Variants in SPECC1L observed in about 807,000 individuals in gnomAD.
SPECC1L encodes sperm antigen with calponin homology and coiled-coil domains 1 like, also known as cytospin-A.
A neutral mutation model predicts 116.8 loss-of-function variants in SPECC1L; 40 were observed. The ratio of observed to expected loss-of-function variants is 0.34; its 90% CI spans 0.27 to 0.45. The LOEUF (loss-of-function observed/expected upper bound fraction) is 0.45. SPECC1L is among the 20% of genes least tolerant of loss of function. SPECC1L has a pLI of 1.00. For synonymous variants in SPECC1L, 504 were observed against 500.6 expected, an observed-to-expected ratio of 1.01 and a Z score of -0.09; for missense variants, 1,110 against 1,373.6, an observed-to-expected ratio of 0.81 and a Z score of 3.03.
At chr22:24,372,268 C>T (rs1205262913) in intron 14 of SPECC1L, among the ~76,000 whole-genome samples, 2 of 152,112 alleles carry the variant, frequency 1.3e-5, no homozygotes, top group Non-Finnish European at 2.9e-5. Context: ...GGGAATACTC[C>T]CTAACTCGTT....
chr22:24,380,775 A>T (rs2042049929), intron 14 of SPECC1L, among the ~76,000 whole-genome samples: 1 of 152,262 alleles, frequency 6.6e-6, no homozygotes, highest in Admixed American at 6.5e-5. Flanking sequence ...CCCCACAAGG[A>T]TAAATGGCTG....
At chr22:24,376,264 G>A (rs1366453874) in intron 14 of SPECC1L, among the ~76,000 whole-genome samples, 1 of 152,162 alleles carries the variant, frequency 6.6e-6, no homozygotes, top group Non-Finnish European at 1.5e-5. Context: ...GGCTCAAGTG[G>A]TCCTCCCACT....
intron 3 of SPECC1L, among the ~76,000 whole-genome samples, chr22:24,310,273 G>A (rs1186762167): frequency 6.6e-6 from 1 of 152,122 alleles, no homozygotes; most frequent in African/African-American, 2.4e-5. Context: ...AGGCATTTAA[G>A]GCGTACCAGT....
intron 14 of SPECC1L, among the ~76,000 whole-genome samples, chr22:24,373,650 TA>T (rs1394082658): frequency 6.6e-6 from 1 of 152,178 alleles, no homozygotes; most frequent in African/African-American, 2.4e-5. Context: ...ACTTAAATGT[TA>T]GACCTAAAAC....
intron 14 of SPECC1L, among the ~76,000 whole-genome samples, chr22:24,402,375 G>A (rs1322587536): frequency 2.0e-5 from 3 of 152,006 alleles, no homozygotes; most frequent in African/African-American, 7.3e-5. Context: ...CAACAGTCTC[G>A]ATGGTTTTTT....
chr22:24,368,526 T>A (rs889301531), intron 13 of SPECC1L, among the ~76,000 whole-genome samples: 4 of 152,254 alleles, frequency 2.6e-5, no homozygotes, highest in African/African-American at 9.6e-5. Context: ...CATTGTAGAC[T>A]TCTTAAAGGC....
intron 9 of SPECC1L, among the ~76,000 whole-genome samples, chr22:24,335,979 T>C (rs970626136): frequency 6.6e-6 from 1 of 152,128 alleles, no homozygotes; most frequent in Non-Finnish European, 1.5e-5. Flanking sequence ...AAAACTCTTA[T>C]GTGTATGTAT....
intron 5 of SPECC1L, among the ~76,000 whole-genome samples, chr22:24,323,719 G>T (rs2040765454): frequency 6.6e-6 from 1 of 152,162 alleles, no homozygotes; most frequent in Admixed American, 6.5e-5. Context: ...TGTTTTTAGT[G>T]ATCACTTTTA....
intron 8 of SPECC1L, among the ~76,000 whole-genome samples, chr22:24,333,915 G>C (rs183846834): frequency 6.1e-4 from 92 of 151,842 alleles, no homozygotes; most frequent in African/African-American, 2.1e-3. Flanking sequence ...AAAAATTTCA[G>C]TATCATTTCC....
At chr22:24,384,859 G>A (rs770215534) in intron 14 of SPECC1L, among the ~76,000 whole-genome samples, 5 of 152,108 alleles carry the variant, frequency 3.3e-5, no homozygotes, top group Non-Finnish European at 5.9e-5. Context: ...GGCGGATCAT[G>A]AGGTCAGGAG....
intron 11 of SPECC1L, among the ~76,000 whole-genome samples, chr22:24,355,538 T>G (rs1417482825): frequency 6.6e-6 from 1 of 152,094 alleles, no homozygotes; most frequent in Non-Finnish European, 1.5e-5. Context: ...AACTGTAAGT[T>G]TATACTCATA....
intron 7 of SPECC1L, 115 bp downstream of exon 7, chr22:24,329,034 C>A (rs566912766): frequency 1.6e-5 from 13 of 796,588 alleles, no homozygotes; most frequent in African/African-American, 8.6e-5. Flanking sequence ...ATAATACTGG[C>A]CCCATTGGGC....
At chr22:24,406,384 G>A (rs2042591051) in intron 14 of SPECC1L, among the ~76,000 whole-genome samples, 1 of 152,176 alleles carries the variant, frequency 6.6e-6, no homozygotes, top group South Asian at 2.1e-4. Context: ...ATGAACCCTT[G>A]CCCCAGGCAT....
chr22:24,412,938 C>T lies in SPECC1L; in HGVS notation c.3264+231C>T, dbSNP rs573006037. ...TCTCACGTGAAACACCCTAAGGATG[C>T]CCCCTGAAAGGGTGGGAGGCCTGAG... On this transcript the variant is annotated intron_variant, in intron 16 of 16. Transcript: ENST00000314328. 1.4e-4 allele frequency among the ~76,000 whole-genome samples: 21 copies of T among 152,228 alleles called. No homozygotes were observed. The South Asian group carries it at 2.9e-3, about 21-fold the overall frequency.
At chr22:24,271,486 G>C (rs2048726391) in intron 1 of SPECC1L, among the ~76,000 whole-genome samples, 1 of 152,266 alleles carries the variant, frequency 6.6e-6, no homozygotes, top group South Asian at 2.1e-4. Context: ...TGCTGTGGCC[G>C]GCGCCCGAGG....
chr22:24,332,856 G>T (rs1374869395), intron 8 of SPECC1L, among the ~76,000 whole-genome samples: 6 of 151,804 alleles, frequency 4.0e-5, no homozygotes, highest in African/African-American at 1.5e-4. Context: ...AGCTTTTTGG[G>T]GTCCTTACTC....
intron 3 of SPECC1L, among the ~76,000 whole-genome samples, chr22:24,303,766 A>T (rs1210925473): frequency 6.6e-6 from 1 of 152,024 alleles, no homozygotes; most frequent in Non-Finnish European, 1.5e-5. Flanking sequence ...ACTGTAAAGC[A>T]AAACTGTACA....
chr22:24,384,815 G>A (rs774087639), intron 14 of SPECC1L, among the ~76,000 whole-genome samples: 7 of 152,126 alleles, frequency 4.6e-5, no homozygotes, highest in Non-Finnish European at 1.0e-4. Flanking sequence ...GGTGGCTCAC[G>A]CCTGTAATCC....
chr22:24,310,234 G>T (rs1374013444), intron 3 of SPECC1L, among the ~76,000 whole-genome samples: 13 of 152,106 alleles, frequency 8.5e-5, no homozygotes, highest in Admixed American at 8.5e-4. Context: ...TCACTAAAGT[G>T]TACTTCATAT....
Sources: allele counts gnomAD v4.1 joint callset (sites outside exome capture counted in the v4.1 genomes callset), GRCh38; gene constraint gnomAD v4.1.1; transcripts MANE v1.5; gene names NCBI Gene and HGNC (gene_info 2026-07-23, HGNC 2026-07-21).